FAM171A1: variants seen among roughly 807,000 people sequenced by gnomAD.
FAM171A1 encodes protein FAM171A1.
In FAM171A1, 23 loss-of-function variants were observed where a neutral mutation model predicts 74.9. That is an observed-to-expected ratio of 0.31 (90% CI 0.22 to 0.44). The LOEUF (loss-of-function observed/expected upper bound fraction) is 0.44, where lower values mean the gene tolerates loss of function less well. FAM171A1 is among the 20% of genes least tolerant of loss of function. The pLI, the probability that FAM171A1 is intolerant of heterozygous loss-of-function variation, is 1.00. For synonymous variants in FAM171A1, 527 were observed against 505.7 expected (o/e 1.04, Z -0.57); for missense variants, 1,162 against 1,159.2 (o/e 1.00, Z -0.03).
chr10:15,349,581 C>G (rs968263991), intron 1 of FAM171A1, among the ~76,000 whole-genome samples: 3 of 152,120 alleles, frequency 2.0e-5, no homozygotes, highest in Admixed American at 6.6e-5. Context: ...CACTAAAGGG[C>G]TTTTCCCACC....
At chr10:15,241,749 G>C (rs1183515525) in intron 5 of FAM171A1, 1 of 152,004 alleles carries the variant, frequency 6.6e-6, no homozygotes, top group Non-Finnish European at 1.5e-5. Flanking sequence ...TTGGTGGTGA[G>C]AACACTTTGA....
At chr10:15,242,565 T>C (rs1013898934) in intron 5 of FAM171A1, among the ~76,000 whole-genome samples, 6 of 152,198 alleles carry the variant, frequency 3.9e-5, no homozygotes, top group African/African-American at 7.2e-5. Flanking sequence ...GATGGATCAC[T>C]TGAGGCCAGG....
Position 15,300,069 on chromosome 10 carries a change from G to A in FAM171A1, c.98-15964C>T, listed in dbSNP as rs1300786007. 1.3e-5 allele frequency among the ~76,000 whole-genome samples: 2 copies of A among 152,316 alleles called. 1 individual carries two copies. The highest frequency in any genetic ancestry group is 4.1e-4 in the South Asian group (2 of 4,828). ...TGTGTGAAGCTCTCTGACACTTGAAGTATTACAAAACAAGACAAAGGTCCC... is the reference window on the plus strand; with the variant it reads ...TGTGTGAAGCTCTCTGACACTTGAAATATTACAAAACAAGACAAAGGTCCC... On this transcript the variant is annotated intron_variant, in intron 1 of 7. Coordinates refer to ENST00000378116, the MANE Select transcript of FAM171A1 (RefSeq NM_001010924.2).
upstream of FAM171A1, among the ~76,000 whole-genome samples, chr10:15,372,297 A>G (rs4750633): frequency 0.98 from 149,331 of 152,256 alleles, 73,296 homozygotes; most frequent in Middle Eastern, 1. Flanking sequence ...AAGAGGCTAA[A>G]GAGGGTTAAG....
intron 5 of FAM171A1, among the ~76,000 whole-genome samples, chr10:15,242,577 AT>A (rs1834376168): frequency 6.6e-6 from 1 of 152,186 alleles, no homozygotes; most frequent in Non-Finnish European, 1.5e-5. Flanking sequence ...GAGGCCAGGA[AT>A]TTGAGACCAG....
rs141458185 is a variant in FAM171A1, at chr10:15,250,624, G to C, written c.578-1809C>G. Among the ~76,000 whole-genome samples the C allele has an allele frequency of 2.9e-4, 44 of 152,324 alleles. 1 individual carries two copies. The East Asian group carries it at 7.7e-3, about 27-fold the overall frequency. On this transcript the variant is annotated intron_variant, in intron 4 of 7. Coordinates refer to ENST00000378116, the MANE Select transcript of FAM171A1 (RefSeq NM_001010924.2). ...AAATACAAAAAATTAGCTGGGCATG[G>C]TGGTGCATGCCTACAGTTCCAGCTA...
At chr10:15,256,156 G>A (rs972126478) in intron 3 of FAM171A1, among the ~76,000 whole-genome samples, 5 of 152,286 alleles carry the variant, frequency 3.3e-5, no homozygotes, top group East Asian at 1.9e-4. Flanking sequence ...CTGCTGTCCT[G>A]CTTCAACAGC....
At chr10:15,281,534 C>T (rs965941910) in intron 2 of FAM171A1, among the ~76,000 whole-genome samples, 1 of 152,192 alleles carries the variant, frequency 6.6e-6, no homozygotes, top group African/African-American at 2.4e-5. Context: ...CTCAATTAAA[C>T]TTCATTATTC....
intron 1 of FAM171A1, among the ~76,000 whole-genome samples, chr10:15,291,605 C>T (rs115518282): frequency 3.9e-4 from 59 of 152,316 alleles, no homozygotes; most frequent in African/African-American, 1.3e-3. Flanking sequence ...TCTACCTGAG[C>T]GTGACTCTGA....
intron 1 of FAM171A1, among the ~76,000 whole-genome samples, chr10:15,337,778 G>A (rs1048424040): frequency 2.0e-5 from 3 of 152,020 alleles, no homozygotes; most frequent in Admixed American, 2.0e-4. Context: ...GTAAAACCCC[G>A]ACTCTACTAA....
intron 1 of FAM171A1, among the ~76,000 whole-genome samples, chr10:15,365,369 G>A (rs1375092242): frequency 1.3e-5 from 2 of 152,224 alleles, no homozygotes; most frequent in Non-Finnish European, 2.9e-5. Context: ...GACATAAAGA[G>A]ATGGAGCTAT....
intron 5 of FAM171A1, among the ~76,000 whole-genome samples, chr10:15,230,640 C>G (rs1278522629): frequency 6.7e-6 from 1 of 148,320 alleles, no homozygotes; most frequent in Non-Finnish European, 1.5e-5. Flanking sequence ...ATTTAAGCAA[C>G]TGATTTTTTT....
intron 3 of FAM171A1, among the ~76,000 whole-genome samples, chr10:15,256,412 C>T (rs2131771253): frequency 6.6e-6 from 1 of 152,270 alleles, no homozygotes; most frequent in Admixed American, 6.5e-5. Flanking sequence ...CACAATGCTC[C>T]CTCTTCCTTT....
Position 15,213,431 on chromosome 10 carries a change from G to C in FAM171A1, c.2157C>G (p.His719Gln), listed in dbSNP as rs1404129663. 6.2e-7 allele frequency: 1 copy of C among 1,613,984 alleles called. No individual in the cohort carries two copies. Among genetic ancestry groups the C allele is most frequent in the Non-Finnish European group, 8.5e-7 (1 of 1,180,022 alleles). The change falls in exon 8 of 8, where the codon CAC (histidine) becomes CAG (glutamine). Residue 719 changes from histidine to glutamine, a missense_variant. Transcript: ENST00000378116. The surrounding 1 kb of genome is among the most constrained non-coding windows in gnomAD (Gnocchi z 6.8). ...GGAGATCAATGTATGAATGTCTAAC[G>C]TGAGCGTTGGACCTGCCATCCAAGG... ...FVSLDGRSNA[H>Q]VRHSYIDLQR...
intron 1 of FAM171A1, among the ~76,000 whole-genome samples, chr10:15,290,011 C>T (rs1441165611): frequency 3.3e-5 from 5 of 152,264 alleles, no homozygotes; most frequent in Admixed American, 6.5e-5. Context: ...GGGCGGGTCA[C>T]GAGGTCAGGA....
At chr10:15,268,488 C>T (rs890277676) in intron 3 of FAM171A1, among the ~76,000 whole-genome samples, 8 of 151,990 alleles carry the variant, frequency 5.3e-5, no homozygotes, top group African/African-American at 9.7e-5. Context: ...CTTAGGTAGA[C>T]GTTTATACCA....
intron 1 of FAM171A1, among the ~76,000 whole-genome samples, chr10:15,356,575 G>A (rs1260581000): frequency 6.6e-6 from 1 of 151,960 alleles, no homozygotes; most frequent in Non-Finnish European, 1.5e-5. Context: ...TGGAAGAAAG[G>A]GTAAACTGTG....
chr10:15,363,460 A>G (rs1836020623), intron 1 of FAM171A1, among the ~76,000 whole-genome samples: 1 of 152,220 alleles, frequency 6.6e-6, no homozygotes, highest in African/African-American at 2.4e-5. Flanking sequence ...TATGAGAGAG[A>G]GACAAAGATG....
At chr10:15,249,740 T>A (rs927864040) in intron 4 of FAM171A1, among the ~76,000 whole-genome samples, 1 of 152,236 alleles carries the variant, frequency 6.6e-6, no homozygotes, top group Non-Finnish European at 1.5e-5. Flanking sequence ...AGGACCTCAG[T>A]ATACCAATTA....
Sources: gnomAD v4.1 joint callset for allele counts (sites outside exome capture counted in the v4.1 genomes callset) on GRCh38, gnomAD v4.1.1 for gene constraint, Gnocchi (gnomAD v3.1) non-coding constraint, MANE v1.5 for transcripts, NCBI Gene and HGNC (gene_info 2026-07-23, HGNC 2026-07-21) for gene names.